NCOR2: variants seen among roughly 807,000 people sequenced by gnomAD.
NCOR2 encodes CTG repeat protein 26.
A neutral mutation model predicts 262.9 loss-of-function variants in NCOR2; 81 were observed. The observed-to-expected ratio is 0.31, with a 90% CI of 0.26 to 0.37. The LOEUF (loss-of-function observed/expected upper bound fraction) is 0.37. Among genes scored for constraint, NCOR2 ranks in the 10% least tolerant of loss-of-function variants. The probability of loss-of-function intolerance (pLI) is 1.00; values close to 1 mark genes in which losing one functional copy is unlikely to be tolerated. For synonymous variants in NCOR2, 1,659 were observed against 1,559.3 expected (o/e 1.06, Z -1.51); for missense variants, 3,385 against 3,621.4 (o/e 0.93, Z 1.68).
At chr12:124,461,676 G>A (rs960254240) in intron 5 of NCOR2, among the ~76,000 whole-genome samples, 6 of 152,130 alleles carry the variant, frequency 3.9e-5, no homozygotes, top group East Asian at 3.8e-4. Flanking sequence ...AACCACACCC[G>A]CCCCACACCC....
chr12:124,367,534 C>G (rs1285566796), intron 20 of NCOR2, among the ~76,000 whole-genome samples: 1 of 152,196 alleles, frequency 6.6e-6, no homozygotes, highest in African/African-American at 2.4e-5. Context: ...CATCTGACCG[C>G]CCCTTGTCCC....
intron 1 of NCOR2, among the ~76,000 whole-genome samples, chr12:124,516,738 T>C (rs1389459710): frequency 6.6e-6 from 1 of 151,000 alleles, no homozygotes; most frequent in Non-Finnish European, 1.5e-5. Flanking sequence ...GGAACCTCAG[T>C]CCGGCCACTA....
chr12:124,358,595 GAC>G (rs796990677), intron 22 of NCOR2, among the ~76,000 whole-genome samples: 4 of 152,336 alleles, frequency 2.6e-5, no homozygotes, highest in African/African-American at 7.2e-5. Flanking sequence ...ACTGCTGCCA[GAC>G]ACATTTTACA....
intron 1 of NCOR2, among the ~76,000 whole-genome samples, chr12:124,491,118 C>T (rs2099456669): frequency 6.6e-6 from 1 of 152,202 alleles, no homozygotes; most frequent in Admixed American, 6.5e-5. Flanking sequence ...ACCATACGGG[C>T]CGCGAAGGGC....
At chr12:124,455,401 A>G (rs1481139450) in intron 6 of NCOR2, among the ~76,000 whole-genome samples, 4 of 152,160 alleles carry the variant, frequency 2.6e-5, no homozygotes, top group African/African-American at 9.7e-5. Flanking sequence ...GAGGGGGCAG[A>G]GCCCTGAAGG....
intron 13 of NCOR2, among the ~76,000 whole-genome samples, chr12:124,403,301 C>A (rs1370249614): frequency 6.6e-6 from 1 of 152,154 alleles, no homozygotes; most frequent in African/African-American, 2.4e-5. Flanking sequence ...GGGGACAGAA[C>A]AAGCCCATTT....
intron 17 of NCOR2, among the ~76,000 whole-genome samples, chr12:124,384,264 A>T (rs1406030946): frequency 6.6e-6 from 1 of 152,182 alleles, no homozygotes; most frequent in Non-Finnish European, 1.5e-5. Flanking sequence ...CCTCTTTGCC[A>T]CAAGGGACTT....
chr12:124,452,561 G>A (rs2045613199), intron 6 of NCOR2, among the ~76,000 whole-genome samples: 1 of 152,278 alleles, frequency 6.6e-6, no homozygotes, highest in South Asian at 2.1e-4. Context: ...GTGAAATTTG[G>A]TGTTTGTCTT....
At chr12:124,495,310 C>T (rs1323455260), upstream of NCOR2, 2 of 1,545,754 alleles carry the variant, frequency 1.3e-6, no homozygotes, top group East Asian at 2.4e-5. This position sits in a 1 kb window ranked among gnomAD's most constrained non-coding sequence, Gnocchi z 4.4. Context: ...TCTTAATCAC[C>T]ACCAAGGATT....
At chr12:124,497,277 C>T (rs2048427122), upstream of NCOR2, among the ~76,000 whole-genome samples, 1 of 152,244 alleles carries the variant, frequency 6.6e-6, no homozygotes, top group Non-Finnish European at 1.5e-5. This position sits in a 1 kb window ranked among gnomAD's most constrained non-coding sequence, Gnocchi z 4.2. Context: ...CACCTCGGTC[C>T]TGCCTGCGTG....
intron 4 of NCOR2, among the ~76,000 whole-genome samples, chr12:124,469,705 C>T (rs1043712237): frequency 1.3e-5 from 2 of 152,278 alleles, no homozygotes; most frequent in Non-Finnish European, 2.9e-5. Flanking sequence ...TATATGCCTA[C>T]CTCATAAGGT....
intron 43 of NCOR2, among the ~76,000 whole-genome samples, chr12:124,331,153 C>A (rs983451961): frequency 6.6e-6 from 1 of 151,834 alleles, no homozygotes; most frequent in South Asian, 2.1e-4. Context: ...ACCTCCGCCT[C>A]CCAGGTTCAA....
At chr12:124,540,523 T>G (rs919221962), upstream of NCOR2, among the ~76,000 whole-genome samples, 1 of 86 alleles carries the variant, frequency 0.012, no homozygotes, top group Non-Finnish European at 0.024. Flanking sequence ...GATGGGGGGA[T>G]GGGGGTGGAG....
At chr12:124,558,415 G>A (rs2051956827) in intron 1 of NCOR2, among the ~76,000 whole-genome samples, 1 of 152,204 alleles carries the variant, frequency 6.6e-6, no homozygotes, top group South Asian at 2.1e-4. Context: ...AAGAAATGGT[G>A]GGAAGCCCTG....
At chr12:124,348,370 T>C (rs2037119536) in intron 28 of NCOR2, 56 bp from the exon 31 acceptor site, 46 of 1,542,868 alleles carry the variant, frequency 3.0e-5, no homozygotes, top group Non-Finnish European at 4.0e-5. Context: ...AGGACCACGG[T>C]GGGCAGGCAG....
intron 20 of NCOR2, among the ~76,000 whole-genome samples, chr12:124,364,944 G>A (rs2135981731): frequency 6.6e-6 from 1 of 150,944 alleles, no homozygotes; most frequent in East Asian, 2.0e-4. Context: ...GAGGCAGCCT[G>A]GACCGTGTTT....
chr12:124,378,495 T>C lies in NCOR2; in HGVS notation c.2020-111A>G, dbSNP rs1593284944. The C allele has an allele frequency of 3.5e-6, 4 of 1,146,388 alleles. No homozygotes were observed. The highest frequency in any genetic ancestry group is 1.6e-5 in the African/African-American group (1 of 64,214). 71.0% of individuals were successfully genotyped at this position (1,146,388 alleles called of 1,614,324 possible). The stretch of plus-strand genomic sequence containing the variant: ...GCAAAGGGCAGTGATCCCGGCCATG[T>C]AGCAATGAGGGTGACCGTCCCCCTC... On this transcript the variant is annotated intron_variant, in intron 17 of 46. Coordinates refer to ENST00000405201, the Ensembl canonical transcript of NCOR2. This position sits in a 1 kb window ranked among gnomAD's most constrained non-coding sequence, Gnocchi z 4.2.
At chr12:124,486,857 G>A (rs1049409793) in intron 1 of NCOR2, among the ~76,000 whole-genome samples, 1 of 152,204 alleles carries the variant, frequency 6.6e-6, no homozygotes, top group East Asian at 1.9e-4. Context: ...AGACTGCCAA[G>A]CCTGGGAGGT....
chr12:124,433,469 G>A (rs1034838677), intron 8 of NCOR2, among the ~76,000 whole-genome samples: 1 of 152,192 alleles, frequency 6.6e-6, no homozygotes, highest in Non-Finnish European at 1.5e-5. Context: ...CCACATTGCC[G>A]GCAGGGCGCT....
Sources: allele counts gnomAD v4.1 joint callset (sites outside exome capture counted in the v4.1 genomes callset), GRCh38; gene constraint gnomAD v4.1.1; non-coding constraint Gnocchi (gnomAD v3.1); transcripts MANE v1.5; gene names NCBI Gene and HGNC (gene_info 2026-07-23, HGNC 2026-07-21).